The following SYT14 variants were observed in gnomAD, a reference collection of about 807,000 sequenced individuals.
SYT14 encodes the protein synaptotagmin 14.
A neutral mutation model predicts 74.2 loss-of-function variants in SYT14; 32 were observed. The observed-to-expected ratio is 0.43, with a 90% CI of 0.33 to 0.58. The LOEUF is 0.58. Among genes scored for constraint, SYT14 ranks in the 20% least tolerant of loss-of-function variants. SYT14 has a pLI of 0.05. For missense variants in SYT14, 791 were observed against 981.8 expected (o/e 0.81, Z 2.60); for synonymous variants, 298 against 337.7 (o/e 0.88, Z 1.29).
intron 2 of SYT14, among the ~76,000 whole-genome samples, chr1:209,960,072 A>G (rs1368063871): frequency 6.6e-6 from 1 of 152,204 alleles, no homozygotes; most frequent in Admixed American, 6.5e-5. Flanking sequence ...AAATTAAAAT[A>G]ATGATATGCC....
rs145051790 is a variant in SYT14 at position 210,039,123 on chromosome 1, G to T, written c.1312+17869G>T. 4.6e-3 allele frequency among the ~76,000 whole-genome samples: 693 copies of T among 151,782 alleles called. 4 individuals are homozygous for T. Among genetic ancestry groups the T allele is most frequent in the African/African-American group, 0.013 (538 of 41,398 alleles). On this transcript the variant is annotated intron_variant, in intron 5 of 9. Transcript: ENST00000637265. Reference sequence around the variant, plus strand: ...GTTTTAAATTCTTTTATTTATTTTTGTCTGACTGGATTAATTCAAAAGACA... The same window carrying T: ...GTTTTAAATTCTTTTATTTATTTTTTTCTGACTGGATTAATTCAAAAGACA...
chr1:210,170,314 T>C (rs2083511301), exon 10 of SYT14: 2 of 152,094 alleles, frequency 1.3e-5, no homozygotes, highest in Admixed American at 1.3e-4. Flanking sequence ...GTCTGTTTTA[T>C]AGAGTGAGCA....
intron 7 of SYT14, among the ~76,000 whole-genome samples, chr1:210,124,871 GT>G (rs112721112): frequency 4.9e-4 from 71 of 146,040 alleles, no homozygotes; most frequent in Middle Eastern, 7.1e-3. Flanking sequence ...TTTTTGTGTG[GT>G]TTTTTTTTTT....
intron 7 of SYT14, among the ~76,000 whole-genome samples, chr1:210,148,530 A>G (rs1390980243): frequency 1.3e-5 from 2 of 152,038 alleles, no homozygotes; most frequent in Admixed American, 6.6e-5. Flanking sequence ...AAAAGGACAT[A>G]ACCACCAATT....
At chr1:210,110,889 C>A (rs1383219038) in intron 7 of SYT14, among the ~76,000 whole-genome samples, 4 of 152,144 alleles carry the variant, frequency 2.6e-5, no homozygotes, top group Non-Finnish European at 5.9e-5. Context: ...GGATTACAGG[C>A]ATGCGCCACC....
At chr1:210,059,447 T>TAGAGAGAGAGAGAGAGAG (rs1466056446) in intron 5 of SYT14, among the ~76,000 whole-genome samples, 13 of 94,752 alleles carry the variant, frequency 1.4e-4, no homozygotes, top group East Asian at 8.7e-4. Context: ...TATATATATA[T>TAGAGAGAGAGAGAGAGAG]ATATAGAGAG....
exon 10 of SYT14, chr1:210,169,547 G>A (rs891873122): frequency 5.9e-5 from 9 of 151,834 alleles, no homozygotes; most frequent in Admixed American, 3.9e-4. Flanking sequence ...AGTAGCTTGC[G>A]TTATAAAATT....
chr1:210,009,473 G>T (rs939849505), intron 2 of SYT14, among the ~76,000 whole-genome samples: 18 of 151,754 alleles, frequency 1.2e-4, no homozygotes, highest in Non-Finnish European at 2.1e-4. Context: ...TTTACAGCAG[G>T]CATATTTCAC....
chr1:210,152,287 G>T (rs1410265367), intron 7 of SYT14, among the ~76,000 whole-genome samples: 1 of 152,124 alleles, frequency 6.6e-6, no homozygotes, highest in African/African-American at 2.4e-5. Context: ...CAACAAGTTT[G>T]TTCAGGCTCC....
intron 2 of SYT14, among the ~76,000 whole-genome samples, chr1:209,992,421 A>C (rs2079707307): frequency 6.6e-6 from 1 of 152,198 alleles, no homozygotes; most frequent in African/African-American, 2.4e-5. Context: ...TAAGTGAAAT[A>C]ACTAAAAAAC....
chr1:209,959,489 C>T (rs948741013), intron 2 of SYT14, among the ~76,000 whole-genome samples: 1 of 152,234 alleles, frequency 6.6e-6, no homozygotes, highest in East Asian at 1.9e-4. Flanking sequence ...ACCTAAATAT[C>T]CATCAACTGA....
At chr1:210,119,594 G>T (rs2082419704) in intron 7 of SYT14, among the ~76,000 whole-genome samples, 1 of 152,090 alleles carries the variant, frequency 6.6e-6, no homozygotes, top group Admixed American at 6.6e-5. Flanking sequence ...GCAGGGAAAA[G>T]AATAATTCTG....
chr1:209,969,951 A>G (rs1372738000), intron 2 of SYT14, among the ~76,000 whole-genome samples: 1 of 151,986 alleles, frequency 6.6e-6, no homozygotes, highest in Non-Finnish European at 1.5e-5. Flanking sequence ...TAGATTCTGG[A>G]TGTTAGATCT....
intron 2 of SYT14, among the ~76,000 whole-genome samples, chr1:209,965,037 A>C (rs901929832): frequency 3.9e-5 from 6 of 152,186 alleles, no homozygotes; most frequent in Non-Finnish European, 7.3e-5. Context: ...TCTGTACAGA[A>C]GGTCAGTGCC....
intron 5 of SYT14, among the ~76,000 whole-genome samples, chr1:210,052,619 G>A (rs561580389): frequency 2.2e-4 from 29 of 129,106 alleles, no homozygotes; most frequent in Non-Finnish European, 4.3e-4. Flanking sequence ...CTGAGATCAC[G>A]CCACTGCACT....
chr1:210,027,748 T>C (rs1456280581), intron 5 of SYT14, among the ~76,000 whole-genome samples: 1 of 152,166 alleles, frequency 6.6e-6, no homozygotes, highest in Non-Finnish European at 1.5e-5. Context: ...ATATGGCCAA[T>C]TTGAAGGGGA....
intron 5 of SYT14, among the ~76,000 whole-genome samples, chr1:210,049,400 T>G (rs1314650118): frequency 1.3e-5 from 2 of 152,120 alleles, no homozygotes; most frequent in Admixed American, 1.3e-4. Context: ...TTTTTTTTTT[T>G]TTAATCTTTT....
intron 1 of SYT14, among the ~76,000 whole-genome samples, chr1:209,948,562 G>A (rs1403578595): frequency 1.3e-5 from 2 of 152,170 alleles, no homozygotes; most frequent in South Asian, 2.1e-4. Context: ...TATTATCTCC[G>A]CAAGTATAGT....
chr1:209,959,195 T>G (rs1428946488), intron 2 of SYT14, among the ~76,000 whole-genome samples: 1 of 152,108 alleles, frequency 6.6e-6, no homozygotes. Context: ...CAGGCTGGAG[T>G]GCAGTGGCGT....
Sources: gnomAD v4.1 joint callset for allele counts (sites outside exome capture counted in the v4.1 genomes callset) on GRCh38, gnomAD v4.1.1 for gene constraint, MANE v1.5 for transcripts, NCBI Gene and HGNC (gene_info 2026-07-23, HGNC 2026-07-21) for gene names.